Variants in SLC30A7 observed in about 807,000 individuals in gnomAD.
SLC30A7 encodes solute carrier family 30 member 7, also known as zinc transporter 7.
A neutral mutation model predicts 46.0 loss-of-function variants in SLC30A7; 35 were observed. The ratio of observed to expected loss-of-function variants is 0.76; its 90% CI spans 0.58 to 1.01. The LOEUF (loss-of-function observed/expected upper bound fraction) is 1.01. Among genes scored for constraint, SLC30A7 ranks in the 50% least tolerant of loss-of-function variants. The pLI is 0.00. For missense variants in SLC30A7, 464 were observed against 451.1 expected, an observed-to-expected ratio of 1.03 and a Z score of -0.26; for synonymous variants, 147 against 157.8, an observed-to-expected ratio of 0.93 and a Z score of 0.51.
In SLC30A7 at chr1:100,906,967, TA is replaced by T; in HGVS notation, c.296+4del. 6.4e-7 allele frequency: 1 copy of T among 1,566,476 alleles called. No individual in the cohort carries two copies. Among genetic ancestry groups the T allele is most frequent in the Non-Finnish European group, 8.8e-7 (1 of 1,141,932 alleles). On this transcript the variant is annotated splice_donor_region_variant and intron_variant, in intron 3 of 10. Coordinates refer to ENST00000357650, the MANE Select transcript of SLC30A7 (RefSeq NM_133496.5). ...AGATAATGATGCTTTCTCCTATGGG[TA>T]AGACTTTAAGAAAAAAAATCTTTTT...
chr1:100,970,709 G>C (rs1656114212), intron 10 of SLC30A7, among the ~76,000 whole-genome samples: 1 of 147,950 alleles, frequency 6.8e-6, no homozygotes, highest in Non-Finnish European at 1.5e-5. Context: ...TGGGATACTA[G>C]ATTAGGAAGG....
rs1216586710 is a variant in SLC30A7, at chr1:100,961,819, T to C, written c.843-9T>C. 1 of 1,551,618 alleles carries C rather than the reference T, an allele frequency of 6.4e-7. No homozygotes were observed. Among genetic ancestry groups the C allele is most frequent in the Non-Finnish European group, 8.8e-7 (1 of 1,132,206 alleles). On this transcript the variant is annotated splice_polypyrimidine_tract_variant and intron_variant, in intron 8 of 10. Coordinates refer to ENST00000357650, the MANE Select transcript of SLC30A7 (RefSeq NM_133496.5). ...GACTTTAATAAATTGTTGTCTTCCTTTTCCTTAGTGTTATTCCTCTTTTAA... is the reference window on the plus strand; with the variant it reads ...GACTTTAATAAATTGTTGTCTTCCTCTTCCTTAGTGTTATTCCTCTTTTAA...
chr1:100,935,978 C>T (rs541003570), intron 8 of SLC30A7, among the ~76,000 whole-genome samples: 12 of 152,194 alleles, frequency 7.9e-5, no homozygotes, highest in Admixed American at 6.5e-4. Flanking sequence ...TTACATAAAA[C>T]AGAGAAGCCA....
intron 4 of SLC30A7, among the ~76,000 whole-genome samples, chr1:100,911,546 A>G (rs1435346620): frequency 2.0e-5 from 3 of 151,942 alleles, no homozygotes; most frequent in Non-Finnish European, 4.4e-5. Flanking sequence ...TATTTTTTTT[A>G]ATTTTTTATT....
At chr1:100,913,925 T>C (rs1297848499) in intron 6 of SLC30A7, 119 bp downstream of exon 6, 4 of 1,389,670 alleles carry the variant, frequency 2.9e-6, no homozygotes, top group Admixed American at 5.0e-5. Context: ...TTCTAATGAA[T>C]CAGTCTAAAT....
At chr1:100,946,295 T>C (rs1006035197) in intron 8 of SLC30A7, among the ~76,000 whole-genome samples, 2 of 152,220 alleles carry the variant, frequency 1.3e-5, no homozygotes, top group African/African-American at 4.8e-5. Flanking sequence ...TCTTGCCTGA[T>C]TGCCCTGGCC....
At chr1:100,983,391 C>CAAAAAAAAAA (rs796350236), downstream of SLC30A7, among the ~76,000 whole-genome samples, 1 of 87,830 alleles carries the variant, frequency 1.1e-5, no homozygotes, top group Non-Finnish European at 2.5e-5. Flanking sequence ...AAAAAAAAAA[C>CAAAAAAAAAA]AAAACAAAAC....
At chr1:100,939,515 A>G (rs1436502507) in intron 8 of SLC30A7, among the ~76,000 whole-genome samples, 7 of 152,066 alleles carry the variant, frequency 4.6e-5, no homozygotes, top group Admixed American at 2.6e-4. Flanking sequence ...ACTCGAACAG[A>G]GCCTTTTTTG....
At chr1:100,987,795 G>C in the SLC30A7 span, among the ~76,000 whole-genome samples, 1 of 151,732 alleles carries the variant, frequency 6.6e-6, no homozygotes, top group African/African-American at 2.4e-5. Flanking sequence ...ATACTCTGAA[G>C]AGTGCTAAGC....
chr1:100,970,013 T>A (rs561598974), intron 10 of SLC30A7, among the ~76,000 whole-genome samples: 8 of 152,250 alleles, frequency 5.3e-5, no homozygotes, highest in South Asian at 2.1e-4. Context: ...TTAAAAAAAA[T>A]TTTGATCTTA....
intron 3 of SLC30A7, among the ~76,000 whole-genome samples, chr1:100,910,461 C>A (rs900878578): frequency 6.6e-6 from 1 of 152,006 alleles, no homozygotes; most frequent in Non-Finnish European, 1.5e-5. Flanking sequence ...AAAATTGATT[C>A]TAAAAATAGG....
At chr1:100,950,964 CAACAGG>C (rs1411172262) in intron 8 of SLC30A7, among the ~76,000 whole-genome samples, 1 of 152,114 alleles carries the variant, frequency 6.6e-6, no homozygotes, top group Admixed American at 6.5e-5. Flanking sequence ...CCACTATAGG[CAACAGG>C]AGCTTAAGTT....
At chr1:100,958,528 T>C (rs1219576554) in intron 8 of SLC30A7, among the ~76,000 whole-genome samples, 3 of 152,226 alleles carry the variant, frequency 2.0e-5, no homozygotes, top group African/African-American at 4.8e-5. Flanking sequence ...TTTTTCTTCA[T>C]TGAGGCATTT....
At chr1:100,909,017 C>G (rs1000799872) in intron 3 of SLC30A7, among the ~76,000 whole-genome samples, 2 of 151,164 alleles carry the variant, frequency 1.3e-5, no homozygotes, top group African/African-American at 2.4e-5. Flanking sequence ...TTCTTTCCAC[C>G]TTTAATTTAA....
intron 6 of SLC30A7, among the ~76,000 whole-genome samples, chr1:100,916,489 G>A (rs1200985839): frequency 6.6e-6 from 1 of 152,064 alleles, no homozygotes; most frequent in Non-Finnish European, 1.5e-5. Context: ...CCAACCAGTA[G>A]GTGTATATTG....
chr1:100,955,897 T>C (rs1461883684), intron 8 of SLC30A7, among the ~76,000 whole-genome samples: 1 of 152,134 alleles, frequency 6.6e-6, no homozygotes, highest in Non-Finnish European at 1.5e-5. Context: ...TTTTATGACC[T>C]AGTTATTGCT....
At chr1:100,941,594 C>T in intron 8 of SLC30A7, 2 of 583,580 alleles carry the variant, frequency 3.4e-6, no homozygotes, top group South Asian at 2.8e-5. Flanking sequence ...AAAATAATCT[C>T]TTAGGTGATG....
intron 8 of SLC30A7, among the ~76,000 whole-genome samples, chr1:100,939,285 T>G (rs1654190981): frequency 6.6e-6 from 1 of 152,126 alleles, no homozygotes; most frequent in Non-Finnish European, 1.5e-5. Context: ...GTAAAGCCCG[T>G]GAAAGTTGAT....
At chr1:100,937,330 T>C (rs563487895) in intron 8 of SLC30A7, among the ~76,000 whole-genome samples, 1 of 152,202 alleles carries the variant, frequency 6.6e-6, no homozygotes. Flanking sequence ...ATTCTGTTTT[T>C]AATTTTTTGA....
Sources: allele counts gnomAD v4.1 joint callset (sites outside exome capture counted in the v4.1 genomes callset), GRCh38; gene constraint gnomAD v4.1.1; transcripts MANE v1.5; gene names NCBI Gene and HGNC (gene_info 2026-07-23, HGNC 2026-07-21).